The following TET2 variants were observed in gnomAD, a reference collection of about 807,000 sequenced individuals.
TET2 encodes the protein methylcytosine dioxygenase TET2.
A neutral mutation model predicts 142.9 loss-of-function variants in TET2; 299 were observed. The ratio of observed to expected loss-of-function variants is 2.09; its 90% CI spans 1.90 to 2.30. TET2 has a LOEUF of 2.30. Among genes scored for constraint, TET2 ranks in the 30% most tolerant of loss-of-function variants. The probability of loss-of-function intolerance (pLI) is 0.00; values close to 1 mark genes in which losing one functional copy is unlikely to be tolerated. For missense variants in TET2, 2,418 were observed against 2,378.0 expected (o/e 1.02, Z -0.35); for synonymous variants, 819 against 849.0 (o/e 0.96, Z 0.61).
chr4:105,151,479 T>G, intron 1 of TET2, among the ~76,000 whole-genome samples: 1 of 150,066 alleles, frequency 6.7e-6, no homozygotes, highest in South Asian at 2.1e-4. Flanking sequence ...ATATTAGATA[T>G]AGATAATATA....
rs1337870077 is a variant in TET2 at position 105,234,893 on chromosome 4, G to C, written c.951G>C (p.Gln317His). 6.8e-6 allele frequency: 11 copies of C among 1,614,064 alleles called. No homozygotes were observed. The highest frequency in any genetic ancestry group is 3.3e-4 in the Middle Eastern group (2 of 6,062). ...CAATGCTAAATACCTGTTCCTTTCA[G>C]AAACCAGAACAACTACAACAACAAA... is the stretch of plus-strand genomic sequence containing the variant. ...LAAMLNTCSF[Q>H]KPEQLQQQKS... Residue 317 changes from glutamine to histidine, a missense_variant, in exon 3 of 11, where the codon CAG becomes CAC. Transcript: ENST00000380013.
rs1303728056 is a variant in TET2, at chr4:105,237,094, A to T, written c.3152A>T (p.Gln1051Leu). The T allele has an allele frequency of 1.9e-6, 3 of 1,614,062 alleles. No individual in the cohort carries two copies. The highest frequency in any genetic ancestry group is 2.5e-6 in the Non-Finnish European group (3 of 1,180,034). The change falls in exon 3 of 11, where the codon CAG (glutamine) becomes CTG (leucine). Residue 1051 changes from glutamine to leucine, a missense_variant. By Grantham distance (113) the Gln-to-Leu change is moderately radical (BLOSUM62 -2). Coordinates refer to ENST00000380013, the MANE Select transcript of TET2 (RefSeq NM_001127208.3). Reference sequence around the variant, plus strand: ...CATAAGGCTCTTACTCTCAAATCACAGAAGCAAGTAAAAGTTGAAATGTCA... The same window carrying T: ...CATAAGGCTCTTACTCTCAAATCACTGAAGCAAGTAAAAGTTGAAATGTCA... ...FDHKALTLKS[Q>L]KQVKVEMSGP...
At chr4:105,269,575 C>T (rs59519484) in intron 8 of TET2, 35 bp from the exon 9 acceptor site, 1 of 1,547,996 alleles carries the variant, frequency 6.5e-7, no homozygotes, top group Non-Finnish European at 8.7e-7. Flanking sequence ...GTAAAACTAA[C>T]TACTTTCGCA....
intron 2 of TET2, among the ~76,000 whole-genome samples, chr4:105,223,381 TTTAAA>T (rs1287103301): frequency 3.7e-4 from 56 of 152,248 alleles, no homozygotes; most frequent in African/African-American, 1.3e-3. Context: ...TAATGTTAAC[TTTAAA>T]TTAACGAAGA....
At chr4:105,219,443 C>T (rs938080745) in intron 2 of TET2, among the ~76,000 whole-genome samples, 1 of 152,058 alleles carries the variant, frequency 6.6e-6, no homozygotes, top group African/African-American at 2.4e-5. Flanking sequence ...TGAGAAGGAG[C>T]AGATTTTAGG....
At chr4:105,173,073 G>T (rs1171749065) in intron 1 of TET2, among the ~76,000 whole-genome samples, 1 of 152,098 alleles carries the variant, frequency 6.6e-6, no homozygotes, top group Non-Finnish European at 1.5e-5. Context: ...TTGCTTCTCA[G>T]ACCTCTCAAC....
chr4:105,185,468 A>T (rs1725372776), intron 1 of TET2, among the ~76,000 whole-genome samples: 1 of 152,160 alleles, frequency 6.6e-6, no homozygotes, highest in Admixed American at 6.5e-5. Context: ...ATTGCAGATA[A>T]AGTAGATAAT....
Position 105,160,017 on chromosome 4 carries a change from T to A in TET2, c.-193+13038T>A, listed in dbSNP as rs200498579. On this transcript the variant is annotated intron_variant, in intron 1 of 10. Transcript: ENST00000380013. ...GACTCCGTCTCAGAAAAAAAAAAAA[T>A]CTTGATATTTGTATGCATCTTAAAA... 4.4e-4 allele frequency among the ~76,000 whole-genome samples: 67 copies of A among 151,368 alleles called. No homozygotes were observed. The East Asian group carries it at 0.011, about 25-fold the overall frequency.
At chr4:105,273,326 T>C (rs1310634326) in intron 10 of TET2, among the ~76,000 whole-genome samples, 1 of 152,206 alleles carries the variant, frequency 6.6e-6, no homozygotes, top group Non-Finnish European at 1.5e-5. Flanking sequence ...ACCATCAACA[T>C]GGAAAACATG....
chr4:105,276,834 G>A lies in TET2; in HGVS notation c.*315G>A, dbSNP rs1264441611. The A allele has an allele frequency of 4.7e-6, 1 of 214,906 alleles. No individual in the cohort carries two copies. Among genetic ancestry groups the A allele is most frequent in the Non-Finnish European group, 8.6e-6 (1 of 115,770 alleles). The allele number at this position is 214,906 out of a possible 1,614,324, so 13.3% of individuals were successfully genotyped here. A position where few individuals can be genotyped will look rare whatever the true frequency, so the allele number is the denominator to read the frequency against. ...TTATTGGACGAGATGATATGTAAAT[G>A]TGATCCCCCCCCCCCGCTTACAACT... On this transcript the variant is annotated 3_prime_UTR_variant, in exon 11 of 11. Transcript: ENST00000380013.
At chr4:105,233,859 A>T (rs1578668162) in intron 2 of TET2, 38 bp from the exon 3 acceptor site, 13 of 1,033,996 alleles carry the variant, frequency 1.3e-5, no homozygotes, top group African/African-American at 3.8e-5. Context: ...GATAGATAGA[A>T]ATAAACACAT....
At chr4:105,211,084 C>T (rs1727131076) in intron 2 of TET2, among the ~76,000 whole-genome samples, 1 of 152,184 alleles carries the variant, frequency 6.6e-6, no homozygotes, top group Non-Finnish European at 1.5e-5. Flanking sequence ...ACCAGTTTCT[C>T]TTCTCCTCAG....
At chr4:105,248,696 A>G (rs1459848747) in intron 6 of TET2, among the ~76,000 whole-genome samples, 1 of 152,174 alleles carries the variant, frequency 6.6e-6, no homozygotes, top group Non-Finnish European at 1.5e-5. Context: ...AAAGTATACA[A>G]TTCAGTTGTT....
intron 2 of TET2, chr4:105,202,439 A>C (rs998576889): frequency 6.6e-6 from 1 of 152,190 alleles, no homozygotes; most frequent in African/African-American, 2.4e-5. Flanking sequence ...CAGGTCCTCT[A>C]AATCCTAGGT....
intron 9 of TET2, among the ~76,000 whole-genome samples, chr4:105,271,514 G>A (rs1266384379): frequency 2.0e-5 from 3 of 152,150 alleles, no homozygotes; most frequent in Non-Finnish European, 4.4e-5. Context: ...GATAAGAACT[G>A]AATAGGGTTA....
chr4:105,189,182 GAAT>G (rs554107440), intron 1 of TET2, among the ~76,000 whole-genome samples: 1 of 151,282 alleles, frequency 6.6e-6, no homozygotes, highest in African/African-American at 2.4e-5. Flanking sequence ...TGTAAAATGG[GAAT>G]AATAATAATG....
rs750516397 is a variant in TET2, at chr4:105,236,434, A to G, written c.2492A>G (p.Gln831Arg). ...QTMKSSACKI[Q>R]VSCSNNTHLV... Reference sequence around the variant, plus strand: ...ATGAAATCAAGTGCATGCAAAATACAGGTTTCTTGTTCAAACAATACACAC... The same window carrying G: ...ATGAAATCAAGTGCATGCAAAATACGGGTTTCTTGTTCAAACAATACACAC... Residue 831 changes from glutamine (Q) to arginine (R), a missense_variant, in exon 3 of 11, where the codon CAG becomes CGG. Transcript: ENST00000380013. 1 of 1,614,100 alleles carries G rather than the reference A, an allele frequency of 6.2e-7. No homozygotes were observed. Among genetic ancestry groups the G allele is most frequent in the East Asian group, 2.2e-5 (1 of 44,858 alleles).
intron 1 of TET2, among the ~76,000 whole-genome samples, chr4:105,188,992 TC>T (rs1178754161): frequency 6.6e-6 from 1 of 152,062 alleles, no homozygotes; most frequent in African/African-American, 2.4e-5. Flanking sequence ...ACCCACTGAC[TC>T]ATATACTTTA....
At chr4:105,196,938 C>A (rs2110499105) in intron 2 of TET2, among the ~76,000 whole-genome samples, 1 of 152,252 alleles carries the variant, frequency 6.6e-6, no homozygotes, top group South Asian at 2.1e-4. Flanking sequence ...CTGGCAACTT[C>A]TTCCTACTTC....
Sources: allele counts gnomAD v4.1 joint callset (sites outside exome capture counted in the v4.1 genomes callset), GRCh38; gene constraint gnomAD v4.1.1; transcripts MANE v1.5; gene names NCBI Gene and HGNC (gene_info 2026-07-23, HGNC 2026-07-21).